Variants in CSGALNACT1 observed in about 807,000 individuals in gnomAD.
CSGALNACT1 encodes the protein beta4GalNAcT-1.
Under a neutral mutation model 51.0 loss-of-function variants are expected in CSGALNACT1, and 52 were observed. That is an observed-to-expected ratio of 1.02 (90% CI 0.82 to 1.29). The LOEUF is 1.29. Among genes scored for constraint, CSGALNACT1 ranks in the 50% most tolerant of loss-of-function variants. The pLI is 0.00. For missense variants in CSGALNACT1, 935 were observed against 679.2 expected, an observed-to-expected ratio of 1.38 and a Z score of -4.19; for synonymous variants, 341 against 254.4, an observed-to-expected ratio of 1.34 and a Z score of -3.24.
rs147334422 is a variant in CSGALNACT1 at position 19,742,488 on chromosome 8, C to A, written c.-297+15362G>T. Among the ~76,000 whole-genome samples the A allele has an allele frequency of 3.3e-4, 51 of 152,332 alleles. 1 individual carries two copies. The East Asian group carries it at 9.8e-3, about 29-fold the overall frequency. ...TATGCAAGATGCCAGGCCTCTGAAA[C>A]AGAACACCCAACTCCTCCGCTGAGA... is the stretch of plus-strand genomic sequence containing the variant. On this transcript the variant is annotated intron_variant, in intron 1 of 1. Coordinates refer to the CSGALNACT1 transcript ENST00000517494.
intron 4 of CSGALNACT1, among the ~76,000 whole-genome samples, chr8:19,499,129 A>G (rs1022273943): frequency 6.6e-6 from 1 of 152,170 alleles, no homozygotes; most frequent in Admixed American, 6.5e-5. Flanking sequence ...ACAAACAAAC[A>G]AACAAACAGA....
At chr8:19,689,614 A>G (rs1018283930) in intron 1 of CSGALNACT1, among the ~76,000 whole-genome samples, 7 of 152,212 alleles carry the variant, frequency 4.6e-5, no homozygotes, top group African/African-American at 1.7e-4. Flanking sequence ...AGAATTTTCT[A>G]TGTATTAAAC....
intron 8 of CSGALNACT1, among the ~76,000 whole-genome samples, chr8:19,409,094 G>C (rs2055043535): frequency 6.6e-6 from 1 of 152,154 alleles, no homozygotes; most frequent in East Asian, 1.9e-4. Context: ...CCTTACACAA[G>C]CCTGGGCAGC....
intron 1 of CSGALNACT1, chr8:19,678,790 C>G (rs1170928569): frequency 6.6e-6 from 1 of 152,130 alleles, no homozygotes; most frequent in African/African-American, 2.4e-5. Flanking sequence ...GGAAGTATGT[C>G]CAAATGAGGG....
At chr8:19,407,929 G>GAAT (rs1563251664) in intron 9 of CSGALNACT1, among the ~76,000 whole-genome samples, 6 of 143,168 alleles carry the variant, frequency 4.2e-5, no homozygotes, top group South Asian at 2.3e-4. Flanking sequence ...GTGTGTGTGT[G>GAAT]TGTGTGTGTG....
At chr8:19,736,000 T>C (rs1348171204) in intron 1 of CSGALNACT1, among the ~76,000 whole-genome samples, 1 of 152,204 alleles carries the variant, frequency 6.6e-6, no homozygotes, top group Non-Finnish European at 1.5e-5. Flanking sequence ...GTATTTCACA[T>C]TCAATCTGCA....
At chr8:19,478,363 G>A (rs1025140237) in intron 4 of CSGALNACT1, among the ~76,000 whole-genome samples, 5 of 138,544 alleles carry the variant, frequency 3.6e-5, no homozygotes, top group South Asian at 2.3e-4. Context: ...GCAGTGAGCC[G>A]AGATCGCACC....
At chr8:19,479,632 A>G (rs2070783701) in intron 4 of CSGALNACT1, among the ~76,000 whole-genome samples, 1 of 152,188 alleles carries the variant, frequency 6.6e-6, no homozygotes, top group Admixed American at 6.5e-5. Flanking sequence ...CTAACCAGGC[A>G]AATACCCAGA....
intron 1 of CSGALNACT1, among the ~76,000 whole-genome samples, chr8:19,666,805 A>G (rs866239609): frequency 0.012 from 253 of 21,034 alleles, 6 homozygotes; most frequent in East Asian, 0.069. Flanking sequence ...GAAAGAAAGA[A>G]AGAAAGAGAG....
intron 3 of CSGALNACT1, among the ~76,000 whole-genome samples, chr8:19,555,630 C>T (rs1048409642): frequency 1.4e-4 from 21 of 152,202 alleles, no homozygotes; most frequent in African/African-American, 4.8e-4. Context: ...CAAAGCACAT[C>T]TCTGTGGTTA....
At chr8:19,748,739 T>G (rs2064844258) in intron 1 of CSGALNACT1, among the ~76,000 whole-genome samples, 1 of 151,936 alleles carries the variant, frequency 6.6e-6, no homozygotes, top group African/African-American at 2.4e-5. Flanking sequence ...TCAAGGAGGG[T>G]GGATCACCTC....
At chr8:19,573,111 G>A (rs1017181072) in intron 3 of CSGALNACT1, among the ~76,000 whole-genome samples, 1 of 152,186 alleles carries the variant, frequency 6.6e-6, no homozygotes, top group African/African-American at 2.4e-5. Flanking sequence ...CACTCCCATG[G>A]CGGTAGCATT....
At chr8:19,479,100 T>C (rs2070635861) in intron 4 of CSGALNACT1, among the ~76,000 whole-genome samples, 1 of 152,234 alleles carries the variant, frequency 6.6e-6, no homozygotes, top group African/African-American at 2.4e-5. Flanking sequence ...ACATGCATTG[T>C]TATGATGCGA....
At chr8:19,722,491 G>C (rs997076889) in intron 1 of CSGALNACT1, among the ~76,000 whole-genome samples, 26 of 152,152 alleles carry the variant, frequency 1.7e-4, no homozygotes, top group African/African-American at 6.3e-4. Flanking sequence ...TAGGTATTAG[G>C]TTTCAGAGCC....
chr8:19,744,331 G>A lies in CSGALNACT1; in HGVS notation c.-297+13519C>T, dbSNP rs73592406. Among the ~76,000 whole-genome samples, 633 of 152,266 alleles carry A rather than the reference G, an allele frequency of 4.2e-3. 3 individuals are homozygous for A. Among genetic ancestry groups the A allele is most frequent in the African/African-American group, 0.014 (575 of 41,534 alleles). ...CTCAGCGGACCACAGATACACCCAC[G>A]TCATAGATTGAATAAAACAACTTGG... On this transcript the variant is annotated intron_variant, in intron 1 of 1. Transcript: ENST00000517494.
upstream of CSGALNACT1, chr8:19,683,316 G>T (rs899092756): frequency 1.3e-5 from 2 of 152,168 alleles, no homozygotes; most frequent in Non-Finnish European, 2.9e-5. Flanking sequence ...CCCACAGCCT[G>T]GGGGCCAGTT....
intron 3 of CSGALNACT1, among the ~76,000 whole-genome samples, chr8:19,565,941 C>T (rs539923837): frequency 6.6e-6 from 1 of 152,262 alleles, no homozygotes; most frequent in East Asian, 1.9e-4. Context: ...AACTTCAAGG[C>T]TGATCTAGTC....
intron 1 of CSGALNACT1, among the ~76,000 whole-genome samples, chr8:19,731,893 G>A (rs936310532): frequency 6.6e-6 from 1 of 152,150 alleles, no homozygotes; most frequent in Admixed American, 6.5e-5. Flanking sequence ...AAAATATTGA[G>A]TCAAATAATA....
At chr8:19,616,558 T>C (rs2053043909) in intron 1 of CSGALNACT1, among the ~76,000 whole-genome samples, 1 of 152,104 alleles carries the variant, frequency 6.6e-6, no homozygotes, top group Admixed American at 6.5e-5. Flanking sequence ...ATGTTGGAGG[T>C]GGGGCCTCCT....
Sources: gnomAD v4.1 joint callset for allele counts (sites outside exome capture counted in the v4.1 genomes callset) on GRCh38, gnomAD v4.1.1 for gene constraint, MANE v1.5 for transcripts, NCBI Gene and HGNC (gene_info 2026-07-23, HGNC 2026-07-21) for gene names.